Variants in ZFYVE28 observed in about 807,000 individuals in gnomAD.
The protein encoded by ZFYVE28 is lateral signaling target protein 2 homolog.
A neutral mutation model predicts 82.1 loss-of-function variants in ZFYVE28; 40 were observed. That is an observed-to-expected ratio of 0.49 (90% CI 0.38 to 0.63). ZFYVE28 has a LOEUF of 0.63. ZFYVE28 is among the 30% of genes least tolerant of loss of function. The probability of loss-of-function intolerance (pLI) is 0.00; values close to 1 mark genes in which losing one functional copy is unlikely to be tolerated. For missense variants in ZFYVE28, 1,321 were observed against 1,242.1 expected (o/e 1.06, Z -0.96); for synonymous variants, 612 against 546.1 (o/e 1.12, Z -1.68).
chr4:2,418,171 A>G lies in ZFYVE28; in HGVS notation c.39+114T>C. On this transcript the variant is annotated intron_variant, in intron 1 of 12. Transcript: ENST00000290974. This position sits in a 1 kb window ranked among gnomAD's most constrained non-coding sequence, Gnocchi z 4.6. Reference sequence around the variant, plus strand: ...GAGGGAAGGATGTCGGCGGTGGGGGAAGAGGCCGGCCACGGACAGGGAAAG... The same window carrying G: ...GAGGGAAGGATGTCGGCGGTGGGGGGAGAGGCCGGCCACGGACAGGGAAAG... 1.1e-6 allele frequency: 1 copy of G among 948,372 alleles called. No homozygotes were observed. The highest frequency in any genetic ancestry group is 1.5e-6 in the Non-Finnish European group (1 of 676,700). The allele number at this position is 948,372 out of a possible 1,614,324, so 58.7% of individuals were successfully genotyped here.
chr4:2,378,796 C>T (rs1728430278), intron 1 of ZFYVE28, among the ~76,000 whole-genome samples: 1 of 152,158 alleles, frequency 6.6e-6, no homozygotes, highest in African/African-American at 2.4e-5. Context: ...TGTTTCAGAC[C>T]CGATACCCAG....
At chr4:2,384,614 G>A (rs1729058751) in intron 1 of ZFYVE28, among the ~76,000 whole-genome samples, 1 of 152,178 alleles carries the variant, frequency 6.6e-6, no homozygotes, top group Non-Finnish European at 1.5e-5. Context: ...CAGAAGCACA[G>A]AGGGCCGACC....
chr4:2,364,473 A>G (rs1045104896), intron 1 of ZFYVE28: 18 of 985,314 alleles, frequency 1.8e-5, no homozygotes, highest in Non-Finnish European at 1.9e-5. Flanking sequence ...ATTCACATCA[A>G]TAAGTACTTT....
rs575205945 is a variant in ZFYVE28, at chr4:2,361,698, G to A, written c.40-7625C>T. On this transcript the variant is annotated intron_variant, in intron 1 of 12. Coordinates refer to ENST00000290974, the MANE Select transcript of ZFYVE28 (RefSeq NM_020972.3). ...CCAAGACCACATCGCTGGATGCCAA[G>A]GCGCCAGATCTCAGCCCAGGTGTCA... 1.1e-4 allele frequency among the ~76,000 whole-genome samples: 17 copies of A among 152,294 alleles called. No individual in the cohort carries two copies. The South Asian group carries it at 3.5e-3, about 32-fold the overall frequency.
At chr4:2,334,662 C>T (rs910598802) in intron 6 of ZFYVE28, among the ~76,000 whole-genome samples, 9 of 151,318 alleles carry the variant, frequency 5.9e-5, no homozygotes, top group African/African-American at 2.2e-4. Context: ...TCCACATCTC[C>T]ACGGGCATCT....
intron 1 of ZFYVE28, among the ~76,000 whole-genome samples, chr4:2,390,626 A>G (rs1361968829): frequency 6.6e-6 from 1 of 152,256 alleles, no homozygotes; most frequent in Non-Finnish European, 1.5e-5. Flanking sequence ...ATACATAAGC[A>G]TGGCTATGTA....
At chr4:2,322,425 C>G (rs1403697733) in intron 6 of ZFYVE28, among the ~76,000 whole-genome samples, 1 of 151,308 alleles carries the variant, frequency 6.6e-6, no homozygotes, top group African/African-American at 2.4e-5. Flanking sequence ...TAAGCAGCAC[C>G]CACTGGTGAG....
chr4:2,365,223 C>T (rs1236870115), intron 1 of ZFYVE28, among the ~76,000 whole-genome samples: 1 of 152,118 alleles, frequency 6.6e-6, no homozygotes, highest in Non-Finnish European at 1.5e-5. Context: ...GTGGGCCACG[C>T]GGGGTTCGAG....
intron 8 of ZFYVE28, among the ~76,000 whole-genome samples, chr4:2,285,115 GC>G (rs1055825254): frequency 2.6e-5 from 4 of 152,332 alleles, no homozygotes; most frequent in East Asian, 1.9e-4. Flanking sequence ...TTGGGTGCAG[GC>G]CCACACCTGG....
chr4:2,321,839 C>T (rs1030433700), intron 6 of ZFYVE28, among the ~76,000 whole-genome samples: 48 of 152,244 alleles, frequency 3.2e-4, no homozygotes, highest in Non-Finnish European at 2.8e-4. Flanking sequence ...CTGCCTGTGC[C>T]GGGCAGCAGC....
chr4:2,391,643 C>T (rs926059593), intron 1 of ZFYVE28, among the ~76,000 whole-genome samples: 28 of 151,902 alleles, frequency 1.8e-4, no homozygotes, highest in African/African-American at 6.3e-4. Context: ...CTCTCCCTCC[C>T]CATTCCACCT....
At chr4:2,289,781 C>T (rs2108809942) in intron 8 of ZFYVE28, among the ~76,000 whole-genome samples, 1 of 152,272 alleles carries the variant, frequency 6.6e-6, no homozygotes, top group South Asian at 2.1e-4. Context: ...GGGGCCTGTG[C>T]ATCGTGCTCC....
At chr4:2,401,788 T>C (rs1731211366) in intron 1 of ZFYVE28, among the ~76,000 whole-genome samples, 1 of 152,148 alleles carries the variant, frequency 6.6e-6, no homozygotes, top group Non-Finnish European at 1.5e-5. Flanking sequence ...CACAGGAGCC[T>C]CTTCATCCAT....
At chr4:2,309,858 G>T (rs1367465137) in intron 7 of ZFYVE28, among the ~76,000 whole-genome samples, 3 of 152,038 alleles carry the variant, frequency 2.0e-5, no homozygotes, top group Non-Finnish European at 2.9e-5. Flanking sequence ...TGCTTTTCTT[G>T]TTCTGTTTTG....
chr4:2,278,133 T>C (rs1335579211), intron 8 of ZFYVE28, among the ~76,000 whole-genome samples: 1 of 152,008 alleles, frequency 6.6e-6, no homozygotes, highest in Non-Finnish European at 1.5e-5. Context: ...AGGATGAAGC[T>C]GAACTCTGAC....
At position 2,320,081 on chromosome 4, in the gene ZFYVE28, TG is replaced by T; in HGVS notation, c.803+88del. On this transcript the variant is annotated intron_variant, in intron 7 of 12. Coordinates refer to ENST00000290974, the MANE Select transcript of ZFYVE28 (RefSeq NM_020972.3). The surrounding 1 kb of genome is among the most constrained non-coding windows in gnomAD (Gnocchi z 5.1). ...CTTCCTCACAGAGAGGAGGAGGACC[TG>T]GAGGCGGCGGCTAAACATGACTTCA... The T allele has an allele frequency of 8.0e-7, 1 of 1,249,794 alleles. No homozygotes were observed. Among genetic ancestry groups the T allele is most frequent in the Non-Finnish European group, 1.2e-6 (1 of 867,836 alleles). 77.4% of individuals were successfully genotyped at this position (1,249,794 alleles called of 1,614,324 possible). A position where few individuals can be genotyped will look rare whatever the true frequency, so the allele number is the denominator to read the frequency against.
intron 1 of ZFYVE28, among the ~76,000 whole-genome samples, chr4:2,412,724 C>T (rs752219795): frequency 1.3e-5 from 2 of 152,196 alleles, no homozygotes; most frequent in Non-Finnish European, 2.9e-5. Context: ...CTGGCTGTCA[C>T]TTACCAGCTC....
intron 3 of ZFYVE28, among the ~76,000 whole-genome samples, chr4:2,340,388 C>T (rs976406984): frequency 6.6e-6 from 1 of 152,046 alleles, no homozygotes; most frequent in South Asian, 2.1e-4. Context: ...GAGTCCAGGC[C>T]CTGGTAGACC....
At chr4:2,377,115 G>A (rs1000902845) in intron 1 of ZFYVE28, among the ~76,000 whole-genome samples, 8 of 151,674 alleles carry the variant, frequency 5.3e-5, no homozygotes, top group Non-Finnish European at 8.8e-5. Flanking sequence ...TCCACCTCCC[G>A]GGTTCACGCC....
Sources: allele counts gnomAD v4.1 joint callset (sites outside exome capture counted in the v4.1 genomes callset), GRCh38; gene constraint gnomAD v4.1.1; non-coding constraint Gnocchi (gnomAD v3.1); transcripts MANE v1.5; gene names NCBI Gene and HGNC (gene_info 2026-07-23, HGNC 2026-07-21).